SLC4A5: variants seen among roughly 807,000 people sequenced by gnomAD.
The protein encoded by SLC4A5 is electrogenic sodium bicarbonate cotransporter 4.
Under a neutral mutation model 120.4 loss-of-function variants are expected in SLC4A5, and 96 were observed. The observed-to-expected ratio is 0.80, with a 90% CI of 0.68 to 0.94. The LOEUF (loss-of-function observed/expected upper bound fraction) is 0.94, where lower values mean the gene tolerates loss of function less well. Ranked by LOEUF, SLC4A5 falls within the 40% of genes least tolerant of loss-of-function variation. The pLI is 0.00. For synonymous variants in SLC4A5, 550 were observed against 571.1 expected, an observed-to-expected ratio of 0.96 and a Z score of 0.53; for missense variants, 1,259 against 1,459.5, an observed-to-expected ratio of 0.86 and a Z score of 2.24.
At chr2:74,273,890 C>G (rs1450108354) in intron 8 of SLC4A5, among the ~76,000 whole-genome samples, 4 of 152,176 alleles carry the variant, frequency 2.6e-5, no homozygotes. Flanking sequence ...GAGGCCGGGC[C>G]TGGTGGCTCA....
chr2:74,253,181 C>T (rs1486700796), intron 14 of SLC4A5, 53 bp from the exon 15 acceptor site: 2 of 1,604,160 alleles, frequency 1.2e-6, no homozygotes, highest in Admixed American at 1.7e-5. Flanking sequence ...TTCTGAAATG[C>T]CTGGGAGCAT....
At chr2:74,281,416 A>G (rs1671810352) in intron 8 of SLC4A5, among the ~76,000 whole-genome samples, 1 of 152,204 alleles carries the variant, frequency 6.6e-6, no homozygotes, top group Non-Finnish European at 1.5e-5. Context: ...GAGAGAGGAT[A>G]GAATTCTGGG....
chr2:74,238,013 A>G (rs2103937101), intron 21 of SLC4A5, among the ~76,000 whole-genome samples: 1 of 152,180 alleles, frequency 6.6e-6, no homozygotes, highest in Admixed American at 6.5e-5. Context: ...GAGGCAGGAG[A>G]ATCACTTGAA....
chr2:74,248,464 C>T (rs372946321), exon 18 of SLC4A5: 27 of 1,613,942 alleles, frequency 1.7e-5, no homozygotes, highest in Middle Eastern at 1.6e-4. Flanking sequence ...CATGGCAGTG[C>T]CCAGGAAGCT....
At chr2:74,342,585 A>C (rs1673652138) in intron 1 of SLC4A5, 51 bp from the exon 2 acceptor site, 1 of 152,180 alleles carries the variant, frequency 6.6e-6, no homozygotes, top group Admixed American at 6.5e-5. Context: ...AAGCCCACAA[A>C]GCTAAGGGCA....
In SLC4A5 at chr2:74,333,748, A is replaced by T. The variant is rs13406351; in HGVS notation, c.-70+279T>A. Among the ~76,000 whole-genome samples the T allele has an allele frequency of 7.6e-3, 1,152 of 152,324 alleles. 12 individuals are homozygous for T. Among genetic ancestry groups the T allele is most frequent in the South Asian group, 0.011 (54 of 4,822 alleles). On this transcript the variant is annotated intron_variant, in intron 4 of 30. Transcript: ENST00000394019. Reference sequence around the variant, plus strand: ...CATTTTCTTCAGATACCTGGTGGACAGTGATGGCTGCTCACTGGGACGGAT... The same window carrying T: ...CATTTTCTTCAGATACCTGGTGGACTGTGATGGCTGCTCACTGGGACGGAT...
exon 20 of SLC4A5, chr2:74,242,039 C>T (rs1319223149): frequency 2.5e-6 from 4 of 1,606,500 alleles, no homozygotes; most frequent in Non-Finnish European, 3.4e-6. Context: ...AAGCATTGAA[C>T]ACGGTTGTAT....
At chr2:74,335,266 C>A (rs765343708) in intron 3 of SLC4A5, among the ~76,000 whole-genome samples, 11 of 152,206 alleles carry the variant, frequency 7.2e-5, no homozygotes, top group Non-Finnish European at 1.2e-4. Context: ...CAAGCTAGAG[C>A]CCACGGAGGC....
chr2:74,245,709 T>C (rs1416792206), intron 19 of SLC4A5, among the ~76,000 whole-genome samples: 4 of 152,244 alleles, frequency 2.6e-5, no homozygotes, highest in Non-Finnish European at 4.4e-5. Context: ...TAATCAAAAC[T>C]GAACTCTCTG....
At chr2:74,222,085 C>CACA in intron 29 of SLC4A5, among the ~76,000 whole-genome samples, 1 of 152,284 alleles carries the variant, frequency 6.6e-6, no homozygotes, top group Middle Eastern at 3.4e-3. Flanking sequence ...AGAGGCACAG[C>CACA]ACAACCACCA....
At chr2:74,317,358 T>C (rs1345518757) in intron 5 of SLC4A5, among the ~76,000 whole-genome samples, 1 of 152,252 alleles carries the variant, frequency 6.6e-6, no homozygotes, top group Non-Finnish European at 1.5e-5. Flanking sequence ...GATAGTTTTT[T>C]TTTTAAATGT....
At chr2:74,243,128 T>TAC (rs769665905) in intron 19 of SLC4A5, among the ~76,000 whole-genome samples, 2 of 152,210 alleles carry the variant, frequency 1.3e-5, no homozygotes, top group African/African-American at 2.4e-5. Flanking sequence ...CCTTGCTGGG[T>TAC]ACTTCCCTAC....
At chr2:74,225,776 C>T (rs951394684) in intron 27 of SLC4A5, among the ~76,000 whole-genome samples, 4 of 152,078 alleles carry the variant, frequency 2.6e-5, no homozygotes, top group Admixed American at 2.6e-4. Context: ...AACTCATAGA[C>T]CCACACATTG....
rs35627197 is a variant in SLC4A5, at chr2:74,305,721, C to CTTTT, written c.80-1045_80-1042dup. Among the ~76,000 whole-genome samples the CTTTT allele has an allele frequency of 4.6e-4, 53 of 115,328 alleles. 1 individual carries two copies. The highest frequency in any genetic ancestry group is 1.1e-3 in the African/African-American group (26 of 23,910). The allele number at this position is 115,328 out of a possible 152,430, so 75.7% of individuals were successfully genotyped here. On this transcript the variant is annotated intron_variant, in intron 6 of 30. Transcript: ENST00000394019. ...CCTCCCTCCAACTCCCTTTTCTTTCCTTTTTTTTTTTTTTTTTTTTTGAGA... is the reference window on the plus strand; with the variant it reads ...CCTCCCTCCAACTCCCTTTTCTTTCCTTTTTTTTTTTTTTTTTTTTTTTTTGAGA...
At chr2:74,290,373 T>A (rs1365027849) in intron 7 of SLC4A5, 1 of 985,190 alleles carries the variant, frequency 1.0e-6, no homozygotes, top group Non-Finnish European at 1.2e-6. Flanking sequence ...CAAACTCACT[T>A]TTGTTTCCAG....
At chr2:74,278,266 G>C (rs1347260294) in intron 8 of SLC4A5, among the ~76,000 whole-genome samples, 7 of 152,124 alleles carry the variant, frequency 4.6e-5, no homozygotes, top group Admixed American at 4.6e-4. Context: ...TCTGGGAAGA[G>C]CTTCCTGAGT....
At chr2:74,267,683 G>A (rs1053973941) in intron 8 of SLC4A5, among the ~76,000 whole-genome samples, 31 of 152,336 alleles carry the variant, frequency 2.0e-4, no homozygotes, top group African/African-American at 7.0e-4. Flanking sequence ...TTATTGGGGC[G>A]AATTAGTGTA....
intron 8 of SLC4A5, among the ~76,000 whole-genome samples, chr2:74,272,865 A>C (rs557404045): frequency 6.6e-6 from 1 of 152,296 alleles, no homozygotes; most frequent in African/African-American, 2.4e-5. Context: ...TGCTCAAACC[A>C]CAGGATGGGA....
intron 14 of SLC4A5, 101 bp downstream of exon 14, chr2:74,254,517 AG>A (rs2104001505): frequency 2.4e-6 from 2 of 850,476 alleles, no homozygotes; most frequent in East Asian, 4.8e-5. Context: ...GGTACACAGT[AG>A]GTGCTCAAAT....
Sources: allele counts gnomAD v4.1 joint callset (sites outside exome capture counted in the v4.1 genomes callset), GRCh38; gene constraint gnomAD v4.1.1; transcripts MANE v1.5; gene names NCBI Gene and HGNC (gene_info 2026-07-23, HGNC 2026-07-21).